The following LMNA variants were observed in gnomAD, a reference collection of about 807,000 sequenced individuals.
The protein encoded by LMNA is lamin.
In LMNA, 20 loss-of-function variants were observed where a neutral mutation model predicts 70.4. The ratio of observed to expected loss-of-function variants is 0.28; its 90% CI spans 0.20 to 0.41. LMNA has a LOEUF of 0.41. Among genes scored for constraint, LMNA ranks in the 10% least tolerant of loss-of-function variants. The pLI is 1.00. For synonymous variants in LMNA, 339 were observed against 372.8 expected (o/e 0.91, Z 1.04); for missense variants, 652 against 917.2 (o/e 0.71, Z 3.73).
chr1:156,088,453 A>G lies in LMNA; in HGVS notation c.-318-2018A>G, dbSNP rs532154688. 1.1e-4 allele frequency among the ~76,000 whole-genome samples: 16 copies of G among 152,292 alleles called. No individual in the cohort carries two copies. The South Asian group carries it at 3.3e-3, about 32-fold the overall frequency. ...TTGATCCCCACCCTCGGTAAGACAC[A>G]GAAACTGGCCTGCATGACCCAGAGA... On this transcript the variant is annotated intron_variant, in intron 2 of 12. Coordinates refer to the LMNA transcript ENST00000368301.
intron 3 of LMNA, among the ~76,000 whole-genome samples, chr1:156,094,472 G>A (rs1648834092): frequency 6.6e-6 from 1 of 151,970 alleles, no homozygotes; most frequent in Admixed American, 6.6e-5. Flanking sequence ...CCGAGTAGCT[G>A]GGACTACAGA....
At chr1:156,083,387 A>C (rs1439892123) in intron 2 of LMNA, 3 of 152,346 alleles carry the variant, frequency 2.0e-5, no homozygotes, top group Non-Finnish European at 4.4e-5. Context: ...GGGAGGAGAG[A>C]CCAGGATGGA....
rs267607620 is a variant in LMNA at position 156,114,929 on chromosome 1, C to A, written c.11C>A (p.Pro4Gln). ...GCCAACCTGCCGGCCATGGAGACCCCGTCCCAGCGGCGCGCCACCCGCAGC... is the reference window on the plus strand; with the variant it reads ...GCCAACCTGCCGGCCATGGAGACCCAGTCCCAGCGGCGCGCCACCCGCAGC... MET[P>Q]SQRRATRSGA... Residue 4 changes from proline to glutamine, a missense_variant, in exon 1 of 12, where the codon CCG (proline) becomes CAG (glutamine). Transcript: ENST00000368300. The A allele has an allele frequency of 6.4e-7, 1 of 1,557,750 alleles. No homozygotes were observed. Among genetic ancestry groups the A allele is most frequent in the Middle Eastern group, 2.1e-4 (1 of 4,748 alleles).
At chr1:156,089,570 G>A (rs995390455) in intron 2 of LMNA, among the ~76,000 whole-genome samples, 14 of 149,508 alleles carry the variant, frequency 9.4e-5, no homozygotes, top group Non-Finnish European at 2.1e-4. Flanking sequence ...TCCAGCCTGG[G>A]CAGCAAGAGC....
intron 1 of LMNA, among the ~76,000 whole-genome samples, chr1:156,128,789 T>C (rs1487017850): frequency 2.0e-5 from 3 of 152,232 alleles, no homozygotes; most frequent in Non-Finnish European, 4.4e-5. Context: ...CTTCTAGTTC[T>C]CTAAATTCTG....
At chr1:156,092,323 G>A (rs1414593886) in intron 3 of LMNA, among the ~76,000 whole-genome samples, 1 of 152,098 alleles carries the variant, frequency 6.6e-6, no homozygotes, top group African/African-American at 2.4e-5. Context: ...GTTACAGTGA[G>A]CTGTGATCGT....
At chr1:156,117,589 C>A (rs1011975514) in intron 1 of LMNA, among the ~76,000 whole-genome samples, 6 of 151,580 alleles carry the variant, frequency 4.0e-5, no homozygotes, top group Non-Finnish European at 7.4e-5. Flanking sequence ...AGTGCAGTGG[C>A]AAGGTCATGG....
At chr1:156,131,068 G>A (rs565882078) in intron 2 of LMNA, among the ~76,000 whole-genome samples, 3 of 151,968 alleles carry the variant, frequency 2.0e-5, no homozygotes, top group East Asian at 3.9e-4. Context: ...TCAGGAGATC[G>A]AGATCATCCT....
chr1:156,140,078 TC>T lies in LMNA; in HGVS notation c.*973del. On this transcript the variant is annotated 3_prime_UTR_variant, in exon 12 of 12. Transcript: ENST00000368300. ...TCCCCAAATCAATACACTAGTTGTT[TC>T]TACCCCTGGCTGCTGTGGTGTCTTT... The T allele has an allele frequency of 4.4e-6, 2 of 450,644 alleles. No homozygotes were observed. The highest frequency in any genetic ancestry group is 8.0e-6 in the Non-Finnish European group (2 of 251,496). The allele number at this position is 450,644 out of a possible 1,614,324, so 27.9% of individuals were successfully genotyped here.
rs1156886857 is a variant in LMNA, at chr1:156,139,430, A to G, written c.*324A>G. The G allele has an allele frequency of 6.7e-6, 9 of 1,348,074 alleles. No homozygotes were observed. In the South Asian group the frequency reaches 1.5e-4, roughly 23 times the overall value. 83.5% of individuals were successfully genotyped at this position (1,348,074 alleles called of 1,614,324 possible). A position where few individuals can be genotyped will look rare whatever the true frequency, so the allele number is the denominator to read the frequency against. On this transcript the variant is annotated 3_prime_UTR_variant, in exon 12 of 12. Transcript: ENST00000368300. Reference sequence around the variant, plus strand: ...GAGGGCTTCCTCTAGAAGCCAAGGGAAAGGGGTGCTTTTATAGAGGCTAGC... The same window carrying G: ...GAGGGCTTCCTCTAGAAGCCAAGGGGAAGGGGTGCTTTTATAGAGGCTAGC...
intron 3 of LMNA, among the ~76,000 whole-genome samples, chr1:156,094,299 A>G (rs1648823257): frequency 6.6e-6 from 1 of 152,080 alleles, no homozygotes; most frequent in Non-Finnish European, 1.5e-5. Flanking sequence ...CATTTTGGCT[A>G]TCTCCCACTC....
Position 156,139,453 on chromosome 1 carries a change from A to G in LMNA, c.*347A>G. 1 of 1,339,638 alleles carries G rather than the reference A, an allele frequency of 7.5e-7. No individual in the cohort carries two copies. Among genetic ancestry groups the G allele is most frequent in the Non-Finnish European group, 9.6e-7 (1 of 1,047,096 alleles). 83.0% of individuals were successfully genotyped at this position (1,339,638 alleles called of 1,614,324 possible). ...GGAAAGGGGTGCTTTTATAGAGGCTAGCTTCTGCTTTTCTGCCCTGGCTGC... is the reference window on the plus strand; with the variant it reads ...GGAAAGGGGTGCTTTTATAGAGGCTGGCTTCTGCTTTTCTGCCCTGGCTGC... On this transcript the variant is annotated 3_prime_UTR_variant, in exon 12 of 12. Coordinates refer to ENST00000368300, the MANE Select transcript of LMNA (RefSeq NM_170707.4).
Position 156,130,719 on chromosome 1 carries a change from T to C in LMNA, c.459T>C (p.Ser153=). The change falls in exon 2 of 12, where the codon AGT becomes AGC. Residue 153 remains serine, a synonymous_variant. Coordinates refer to ENST00000368300, the MANE Select transcript of LMNA (RefSeq NM_170707.4). ...AGGCCGCACTGAGCACTGCTCTCAG[T>C]GAGAAGCGCACGCTGGAGGGCGAGC... is the stretch of plus-strand genomic sequence containing the variant. The part of the protein sequence containing the change: ...SKEAALSTAL[S]EKRTLEGELH... The C allele has an allele frequency of 6.2e-7, 1 of 1,611,928 alleles. No individual in the cohort carries two copies. Among genetic ancestry groups the C allele is most frequent in the Non-Finnish European group, 8.5e-7 (1 of 1,179,276 alleles).
chr1:156,108,610 T>C (rs1239467241), intron 3 of LMNA, among the ~76,000 whole-genome samples: 1 of 151,978 alleles, frequency 6.6e-6, no homozygotes, highest in Non-Finnish European at 1.5e-5. Context: ...TACAAAAAAA[T>C]TAGCTGGGCT....
intron 1 of LMNA, among the ~76,000 whole-genome samples, chr1:156,121,887 G>A (rs1275924953): frequency 6.6e-6 from 1 of 152,050 alleles, no homozygotes; most frequent in Non-Finnish European, 1.5e-5. Context: ...GGGCGCAGTG[G>A]CTCACGCCTG....
rs646840 is a variant in LMNA at position 156,135,818 on chromosome 1, G to T, written c.937-83G>T. ...TGCAGATCCTGGAGAGAGTAGCCAG[G>T]TGTCTCCTACACCGACCCACGTCCC... On this transcript the variant is annotated intron_variant, in intron 5 of 11. Coordinates refer to ENST00000368300, the MANE Select transcript of LMNA (RefSeq NM_170707.4). The surrounding 1 kb of genome is among the most constrained non-coding windows in gnomAD (Gnocchi z 4.8). The T allele has an allele frequency of 0.096, 109,160 of 1,132,532 alleles. 10,134 individuals carry two copies. Among genetic ancestry groups the T allele is most frequent in the African/African-American group, 0.45 (29,159 of 65,358 alleles). 70.2% of individuals were successfully genotyped at this position (1,132,532 alleles called of 1,614,324 possible).
At chr1:156,090,024 C>A (rs901839274) in intron 2 of LMNA, among the ~76,000 whole-genome samples, 1 of 152,070 alleles carries the variant, frequency 6.6e-6, no homozygotes. Flanking sequence ...GCACCTGGTG[C>A]CAGCCAGGGG....
rs1408369852 is a variant in LMNA at position 156,135,838 on chromosome 1, C to T, written c.937-63C>T. On this transcript the variant is annotated intron_variant, in intron 5 of 11. Transcript: ENST00000368300. The surrounding 1 kb of genome is among the most constrained non-coding windows in gnomAD (Gnocchi z 4.8). Reference sequence around the variant, plus strand: ...GCCAGGTGTCTCCTACACCGACCCACGTCCCTCCTTCCCCATACTTAGGGC... The same window carrying T: ...GCCAGGTGTCTCCTACACCGACCCATGTCCCTCCTTCCCCATACTTAGGGC... 14 of 1,428,946 alleles carry T rather than the reference C, an allele frequency of 9.8e-6. No homozygotes were observed. The highest frequency in any genetic ancestry group is 2.8e-5 in the African/African-American group (2 of 71,262). 88.5% of individuals were successfully genotyped at this position (1,428,946 alleles called of 1,614,324 possible). A position where few individuals can be genotyped will look rare whatever the true frequency, so the allele number is the denominator to read the frequency against.
chr1:156,134,501 G>A lies in LMNA; in HGVS notation c.612G>A (p.Leu204=), dbSNP rs12117552. 13,921 of 1,614,164 alleles carry A rather than the reference G, an allele frequency of 8.6e-3. 120 individuals carry two copies. The highest frequency in any genetic ancestry group is 0.027 in the South Asian group (2,449 of 91,082). The stretch of plus-strand genomic sequence containing the variant: ...GGCTGCAGACCATGAAGGAGGAACT[G>A]GACTTCCAGAAGAACATCTACAGTG... ...ENRLQTMKEE[L]DFQKNIYSEE... Residue 204 remains leucine (L), a synonymous_variant, in exon 3 of 12, where the codon CTG becomes CTA. Transcript: ENST00000368300. This position sits in a 1 kb window ranked among gnomAD's most constrained non-coding sequence, Gnocchi z 5.3.
Sources: allele counts gnomAD v4.1 joint callset (sites outside exome capture counted in the v4.1 genomes callset), GRCh38; gene constraint gnomAD v4.1.1; non-coding constraint Gnocchi (gnomAD v3.1); transcripts MANE v1.5; gene names NCBI Gene and HGNC (gene_info 2026-07-23, HGNC 2026-07-21).